Variants in DIPK2B observed in about 807,000 individuals in gnomAD.
DIPK2B encodes the protein divergent protein kinase domain 2B, also known as UPF0672 protein CXorf36.
Under a neutral mutation model 22.2 loss-of-function variants are expected in DIPK2B, and 15 were observed. That is an observed-to-expected ratio of 0.68 (90% CI 0.45 to 1.04). The LOEUF (loss-of-function observed/expected upper bound fraction) is 1.04. Among genes scored for constraint, DIPK2B ranks in the 50% least tolerant of loss-of-function variants. The pLI, the probability that DIPK2B is intolerant of heterozygous loss-of-function variation, is 0.00. For synonymous variants in DIPK2B, 163 were observed against 153.2 expected, an observed-to-expected ratio of 1.06 and a Z score of -0.47; for missense variants, 345 against 348.3, an observed-to-expected ratio of 0.99 and a Z score of 0.08.
At position 45,149,052 on chromosome X, in the gene DIPK2B, G is replaced by C. The variant is rs755929221; in HGVS notation, c.*2600C>G. 1 of 112,387 alleles carries C rather than the reference G, an allele frequency of 8.9e-6. No individual in the cohort carries two copies. The highest frequency in any genetic ancestry group is 9.4e-5 in the Admixed American group (1 of 10,653). 9.3% of individuals were successfully genotyped at this position (112,387 alleles called of 1,213,427 possible). ...AGAGAAGGGGGCAAGTGCTTACCTT[G>C]AACCCGTGCAGGTGGACAGATGTGT... On this transcript the variant is annotated 3_prime_UTR_variant, in exon 5 of 5. Coordinates refer to ENST00000398000, the MANE Select transcript of DIPK2B (RefSeq NM_176819.4).
intron 2 of DIPK2B, among the ~76,000 whole-genome samples, chrX:45,178,666 CAT>C (rs1434792473): frequency 9.0e-6 from 1 of 111,598 alleles, no homozygotes; most frequent in East Asian, 2.8e-4. Flanking sequence ...ATTTGGGAGA[CAT>C]AGTCCTGTAA....
chrX:45,175,549 C>A (rs1030089333), intron 2 of DIPK2B, among the ~76,000 whole-genome samples: 1 of 106,109 alleles, frequency 9.4e-6, no homozygotes, highest in Admixed American at 1.0e-4. Flanking sequence ...TGTGATTTTT[C>A]CCACCTATTT....
intron 2 of DIPK2B, among the ~76,000 whole-genome samples, chrX:45,182,234 A>G (rs2047158541): frequency 8.9e-6 from 1 of 111,889 alleles, no homozygotes; most frequent in Admixed American, 9.5e-5. Context: ...GTAAAAATGG[A>G]CAAACTAAAC....
intron 2 of DIPK2B, among the ~76,000 whole-genome samples, chrX:45,158,678 C>T (rs2047008332): frequency 9.0e-6 from 1 of 111,474 alleles, no homozygotes; most frequent in African/African-American, 3.3e-5. Context: ...CTGAGGCCAG[C>T]CTGCCAGAAT....
intron 2 of DIPK2B, among the ~76,000 whole-genome samples, chrX:45,181,784 G>A (rs191518501): frequency 1.3e-4 from 15 of 111,873 alleles, no homozygotes; most frequent in Admixed American, 6.7e-4. Flanking sequence ...TTGACCACAC[G>A]ATAAACAGAA....
At chrX:45,178,028 G>A (rs1156352893) in intron 2 of DIPK2B, among the ~76,000 whole-genome samples, 1 of 111,935 alleles carries the variant, frequency 8.9e-6, no homozygotes, top group African/African-American at 3.2e-5. Context: ...CTATATGATT[G>A]GAAAGGCAAA....
At chrX:45,197,390 G>A (rs767416686) in intron 1 of DIPK2B, among the ~76,000 whole-genome samples, 5 of 111,186 alleles carry the variant, frequency 4.5e-5, no homozygotes, top group Non-Finnish European at 9.4e-5. Context: ...GGCGTGCGCC[G>A]CCATGTCCGG....
intron 2 of DIPK2B, among the ~76,000 whole-genome samples, chrX:45,181,111 T>G (rs1010726181): frequency 4.5e-5 from 5 of 111,681 alleles, no homozygotes; most frequent in African/African-American, 1.6e-4. Context: ...AAATATCCAG[T>G]GTACCTAACA....
At chrX:45,173,034 C>T (rs888342112) in intron 2 of DIPK2B, among the ~76,000 whole-genome samples, 1 of 111,488 alleles carries the variant, frequency 9.0e-6, no homozygotes, top group African/African-American at 3.3e-5. Context: ...TTCTAGTTCC[C>T]CCTAGCCCTT....
chrX:45,153,474 TTG>T (rs34281975), intron 4 of DIPK2B, among the ~76,000 whole-genome samples: 6,681 of 73,727 alleles, frequency 0.091, 603 homozygotes, highest in African/African-American at 0.26. Flanking sequence ...CCCAAAAGTT[TTG>T]TGTGTGTGTG....
At chrX:45,174,278 G>A (rs1485099314) in intron 2 of DIPK2B, among the ~76,000 whole-genome samples, 1 of 111,901 alleles carries the variant, frequency 8.9e-6, no homozygotes, top group Non-Finnish European at 1.9e-5. Flanking sequence ...GTTGTTGTAA[G>A]TGATTTATTC....
At chrX:45,176,756 G>A (rs778836619) in intron 2 of DIPK2B, among the ~76,000 whole-genome samples, 3 of 111,688 alleles carry the variant, frequency 2.7e-5, no homozygotes, top group Non-Finnish European at 5.6e-5. Context: ...GCAACCCCCT[G>A]GAGAAATCAC....
intron 2 of DIPK2B, chrX:45,163,388 TA>T: frequency 1.3e-6 from 1 of 753,179 alleles, no homozygotes; most frequent in Non-Finnish European, 1.6e-6. Flanking sequence ...ATACACTAGC[TA>T]AAGGAAAAAC....
At chrX:45,167,495 CAA>C (rs1156692662) in intron 2 of DIPK2B, among the ~76,000 whole-genome samples, 31 of 24,662 alleles carry the variant, frequency 1.3e-3, no homozygotes, top group African/African-American at 4.0e-3. Context: ...AAGACTGTCT[CAA>C]AAAAAAAAAA....
At chrX:45,200,519 C>A in intron 1 of DIPK2B, 75 bp downstream of exon 1, 1 of 964,714 alleles carries the variant, frequency 1.0e-6, no homozygotes, top group South Asian at 2.2e-5. Flanking sequence ...GATTCCTTTT[C>A]AACAAATTCC....
chrX:45,195,754 A>G (rs1232042501), intron 1 of DIPK2B, among the ~76,000 whole-genome samples: 3 of 111,153 alleles, frequency 2.7e-5, no homozygotes, highest in African/African-American at 1.0e-4. Flanking sequence ...TCTTCTTACA[A>G]GTTTGCTTTG....
chrX:45,197,125 G>A (rs1231893189), intron 1 of DIPK2B, among the ~76,000 whole-genome samples: 2 of 111,268 alleles, frequency 1.8e-5, no homozygotes, highest in African/African-American at 6.5e-5. Context: ...GGACCTGGCT[G>A]TAGCATTTCA....
intron 2 of DIPK2B, among the ~76,000 whole-genome samples, chrX:45,160,333 A>G (rs185894233): frequency 3.6e-5 from 4 of 110,166 alleles, no homozygotes; most frequent in Non-Finnish European, 7.6e-5. Context: ...TCAGCCTCCC[A>G]AGTAGCTGGG....
intron 2 of DIPK2B, among the ~76,000 whole-genome samples, chrX:45,173,912 C>T (rs2047101856): frequency 9.0e-6 from 1 of 111,463 alleles, no homozygotes; most frequent in African/African-American, 3.3e-5. Flanking sequence ...CTATTTCCCC[C>T]TCTTCACTGC....
Sources: gnomAD v4.1 joint callset for allele counts (sites outside exome capture counted in the v4.1 genomes callset) on GRCh38, gnomAD v4.1.1 for gene constraint, MANE v1.5 for transcripts, NCBI Gene and HGNC (gene_info 2026-07-23, HGNC 2026-07-21) for gene names.